TFEC: variants seen among roughly 807,000 people sequenced by gnomAD.
The protein encoded by TFEC is class E basic helix-loop-helix protein 34.
A neutral mutation model predicts 41.6 loss-of-function variants in TFEC; 31 were observed. The ratio of observed to expected loss-of-function variants is 0.74; its 90% CI spans 0.56 to 1.01. The LOEUF (loss-of-function observed/expected upper bound fraction) is 1.01, where lower values mean the gene tolerates loss of function less well. Among genes scored for constraint, TFEC ranks in the 50% least tolerant of loss-of-function variants. The probability of loss-of-function intolerance (pLI) is 0.00; values close to 1 mark genes in which losing one functional copy is unlikely to be tolerated. For synonymous variants in TFEC, 143 were observed against 140.6 expected, an observed-to-expected ratio of 1.02 and a Z score of -0.12; for missense variants, 402 against 404.1, an observed-to-expected ratio of 0.99 and a Z score of 0.04.
At chr7:116,124,243 G>C (rs1272950599) in intron 1 of TFEC, among the ~76,000 whole-genome samples, 1 of 152,112 alleles carries the variant, frequency 6.6e-6, no homozygotes, top group African/African-American at 2.4e-5. Context: ...GGTGCAGACA[G>C]TGAAAGGAGC....
At chr7:116,143,412 A>C (rs544487097) in intron 1 of TFEC, among the ~76,000 whole-genome samples, 1 of 152,284 alleles carries the variant, frequency 6.6e-6, no homozygotes. Context: ...CCTTTATAAA[A>C]AATGCAGAAT....
intron 1 of TFEC, 65 bp downstream of exon 1, chr7:116,030,568 T>A: frequency 3.3e-6 from 3 of 917,128 alleles, no homozygotes; most frequent in Non-Finnish European, 3.9e-6. Flanking sequence ...AAACAAGTAT[T>A]GATTAGTTTG....
intron 1 of TFEC, among the ~76,000 whole-genome samples, chr7:116,147,028 G>A (rs933901283): frequency 1.4e-4 from 21 of 152,098 alleles, no homozygotes; most frequent in Admixed American, 7.9e-4. Flanking sequence ...TGTGAACTGC[G>A]AGACATATCT....
At chr7:116,047,336 G>A (rs1027180604) in intron 3 of TFEC, among the ~76,000 whole-genome samples, 19 of 152,110 alleles carry the variant, frequency 1.2e-4, no homozygotes, top group Admixed American at 6.5e-5. Context: ...TTAGCAAACG[G>A]CACACCAGGA....
Position 116,052,980 on chromosome 7 carries a change from G to A in TFEC, c.198+57728C>T, listed in dbSNP as rs761864301. ...CCAGCTACTCGGGAGGCTGAGGCAG[G>A]AGAACGGCATGAACCTGGGAGGCGG... On this transcript the variant is annotated intron_variant, in intron 3 of 8. Transcript: ENST00000484212. 2.3e-4 allele frequency among the ~76,000 whole-genome samples: 35 copies of A among 151,982 alleles called. 1 individual carries two copies. Among genetic ancestry groups the A allele is most frequent in the Non-Finnish European group, 3.7e-4 (25 of 67,982 alleles).
intron 1 of TFEC, among the ~76,000 whole-genome samples, chr7:116,149,674 A>G (rs1417257028): frequency 2.6e-5 from 4 of 152,312 alleles, no homozygotes; most frequent in African/African-American, 9.6e-5. Flanking sequence ...AGATATCCTA[A>G]AATATTTATT....
chr7:116,047,287 G>A (rs573784797), intron 3 of TFEC, among the ~76,000 whole-genome samples: 30 of 152,194 alleles, frequency 2.0e-4, no homozygotes, highest in African/African-American at 5.5e-4. Context: ...CTGGAAAATC[G>A]GGACACACAC....
intron 4 of TFEC, among the ~76,000 whole-genome samples, chr7:115,955,298 A>C (rs1792163077): frequency 6.6e-6 from 1 of 152,208 alleles, no homozygotes; most frequent in South Asian, 2.1e-4. Flanking sequence ...TGACCTGTGA[A>C]GCCACTAGCT....
chr7:115,971,157 G>C (rs1368425966), intron 3 of TFEC, among the ~76,000 whole-genome samples: 2 of 152,008 alleles, frequency 1.3e-5, no homozygotes, highest in African/African-American at 4.8e-5. Flanking sequence ...GTGGAGGGCT[G>C]TTCAAGCCAC....
chr7:115,944,821 G>C (rs1403901526), intron 6 of TFEC, among the ~76,000 whole-genome samples: 1 of 150,934 alleles, frequency 6.6e-6, no homozygotes, highest in African/African-American at 2.4e-5. Context: ...TTTATATAGT[G>C]ACTTGGCACA....
At chr7:116,044,511 A>G (rs926774314) in intron 3 of TFEC, among the ~76,000 whole-genome samples, 7 of 152,370 alleles carry the variant, frequency 4.6e-5, no homozygotes, top group African/African-American at 1.7e-4. Context: ...TTTGTGATAC[A>G]TACTTCAGAA....
chr7:116,084,681 C>A lies in TFEC; in HGVS notation c.198+26027G>T, dbSNP rs1288314343. Among the ~76,000 whole-genome samples the A allele has an allele frequency of 2.6e-5, 4 of 151,712 alleles. No homozygotes were observed. In the East Asian group the frequency reaches 7.7e-4, roughly 29 times the overall value. ...AAATAAAATTTGAAAAATAAATAAT[C>A]ATGTACTGTAATGCTTCCTGGGATA... is the stretch of plus-strand genomic sequence containing the variant. On this transcript the variant is annotated intron_variant, in intron 3 of 8. Transcript: ENST00000484212.
chr7:116,153,462 T>G (rs1161549781), intron 1 of TFEC, among the ~76,000 whole-genome samples: 2 of 152,014 alleles, frequency 1.3e-5, no homozygotes, highest in Non-Finnish European at 2.9e-5. Context: ...ACCGTGTTGG[T>G]CAGGCTGGTC....
intron 1 of TFEC, among the ~76,000 whole-genome samples, chr7:115,998,082 A>G (rs145334538): frequency 6.6e-6 from 1 of 152,122 alleles, no homozygotes; most frequent in Non-Finnish European, 1.5e-5. Context: ...CTAGAGAAAG[A>G]TATCAATATT....
At chr7:116,156,514 C>A (rs73719121) in intron 1 of TFEC, among the ~76,000 whole-genome samples, 23,118 of 152,006 alleles carry the variant, frequency 0.15, 1,766 homozygotes, top group East Asian at 0.25. Flanking sequence ...TTCATGTGGG[C>A]TTCTCCATAA....
At position 116,024,858 on chromosome 7, in the gene TFEC, T is replaced by G. The variant is rs1193315721; in HGVS notation, c.-73+5775A>C. 2.7e-5 allele frequency among the ~76,000 whole-genome samples: 4 copies of G among 150,384 alleles called. No homozygotes were observed. In the East Asian group the frequency reaches 5.8e-4, roughly 22 times the overall value. ...TTAGCTTATCCATTTATTTTATACA[T>G]TTTTTCCATCTCCTATCATATTCCA... On this transcript the variant is annotated intron_variant, in intron 1 of 7. Coordinates refer to ENST00000265440, the MANE Select transcript of TFEC (RefSeq NM_012252.4).
chr7:116,048,985 T>A lies in TFEC; in HGVS notation c.198+61723A>T, dbSNP rs1431656714. 2.6e-5 allele frequency among the ~76,000 whole-genome samples: 4 copies of A among 152,144 alleles called. No homozygotes were observed. In the East Asian group the frequency reaches 7.7e-4, roughly 29 times the overall value. Reference sequence around the variant, plus strand: ...TTACAAGAGCTCCTGAAGGAAGCACTAAACATGGAAAGGAACAGCCAGTAC... The same window carrying A: ...TTACAAGAGCTCCTGAAGGAAGCACAAAACATGGAAAGGAACAGCCAGTAC... On this transcript the variant is annotated intron_variant, in intron 3 of 8. Transcript: ENST00000484212.
At chr7:116,011,925 C>A (rs921273280) in intron 1 of TFEC, among the ~76,000 whole-genome samples, 16 of 152,282 alleles carry the variant, frequency 1.1e-4, no homozygotes, top group Non-Finnish European at 1.8e-4. Context: ...CTGTAAGCTC[C>A]CTGCAGCCTC....
chr7:116,112,559 A>G (rs1044120660), intron 1 of TFEC, among the ~76,000 whole-genome samples: 3 of 152,042 alleles, frequency 2.0e-5, no homozygotes, highest in African/African-American at 4.8e-5. Flanking sequence ...TTGGTGCCCA[A>G]TATTGAATTG....
Sources: gnomAD v4.1 joint callset for allele counts (sites outside exome capture counted in the v4.1 genomes callset) on GRCh38, gnomAD v4.1.1 for gene constraint, MANE v1.5 for transcripts, NCBI Gene and HGNC (gene_info 2026-07-23, HGNC 2026-07-21) for gene names.